OPN5: variants seen among roughly 807,000 people sequenced by gnomAD.
OPN5 encodes the protein opsin-5.
Under a neutral mutation model 41.7 loss-of-function variants are expected in OPN5, and 18 were observed. The observed-to-expected ratio is 0.43, with a 90% CI of 0.30 to 0.64. The LOEUF (loss-of-function observed/expected upper bound fraction) is 0.64. Among genes scored for constraint, OPN5 ranks in the 30% least tolerant of loss-of-function variants. The pLI is 0.13. For synonymous variants in OPN5, 178 were observed against 164.3 expected (o/e 1.08, Z -0.64); for missense variants, 318 against 434.5 (o/e 0.73, Z 2.38).
intron 6 of OPN5, among the ~76,000 whole-genome samples, chr6:47,815,281 CTA>C (rs1042496294): frequency 6.6e-6 from 1 of 152,100 alleles, no homozygotes; most frequent in Non-Finnish European, 1.5e-5. Context: ...CTACAAAAAT[CTA>C]TCTCATTTAA....
chr6:47,787,240 A>T, intron 2 of OPN5: 1 of 795,610 alleles, frequency 1.3e-6, no homozygotes, highest in Non-Finnish European at 1.5e-6. Context: ...AGTCGTTGAG[A>T]GTGTTACCTG....
chr6:47,783,531 CAT>C (rs1773129073), intron 1 of OPN5, among the ~76,000 whole-genome samples: 1 of 152,172 alleles, frequency 6.6e-6, no homozygotes, highest in African/African-American at 2.4e-5. Context: ...AAAAGGAACT[CAT>C]GTGATTCAAC....
chr6:47,808,557 G>A (rs945249890), intron 5 of OPN5, among the ~76,000 whole-genome samples, 162 bp downstream of exon 5: 2 of 152,156 alleles, frequency 1.3e-5, no homozygotes, highest in African/African-American at 4.8e-5. Context: ...CTGAAATCAA[G>A]TAATCAGCTA....
chr6:47,811,304 C>A (rs911999683), intron 5 of OPN5, among the ~76,000 whole-genome samples: 16 of 152,120 alleles, frequency 1.1e-4, no homozygotes, highest in African/African-American at 3.1e-4. Flanking sequence ...AATCAAACCT[C>A]CCCTGACCAC....
chr6:47,824,848 T>C (rs1403995511), downstream of OPN5: 1 of 152,128 alleles, frequency 6.6e-6, no homozygotes, highest in East Asian at 1.9e-4. Context: ...TCAAATGCGA[T>C]TGAAATTATC....
chr6:47,792,772 A>G (rs986958352), intron 3 of OPN5, among the ~76,000 whole-genome samples: 12 of 152,172 alleles, frequency 7.9e-5, no homozygotes, highest in Non-Finnish European at 1.6e-4. Context: ...CAATCTGTCA[A>G]TTAGAGTGGT....
intron 6 of OPN5, among the ~76,000 whole-genome samples, chr6:47,823,103 G>A (rs562346129): frequency 3.9e-5 from 6 of 152,282 alleles, no homozygotes; most frequent in African/African-American, 1.2e-4. Context: ...TTCTGACTCT[G>A]GTTAGTTATG....
At chr6:47,825,699 A>G (rs1762771653), downstream of OPN5, 1 of 152,216 alleles carries the variant, frequency 6.6e-6, no homozygotes. Context: ...TGGCAGGAAT[A>G]TGACAGAAAA....
intron 6 of OPN5, among the ~76,000 whole-genome samples, chr6:47,818,485 C>T (rs1450623227): frequency 6.6e-6 from 1 of 152,188 alleles, no homozygotes. Context: ...ATTGTACAAA[C>T]ACATCCAAGC....
intron 2 of OPN5, among the ~76,000 whole-genome samples, chr6:47,788,611 A>G (rs1394560533): frequency 2.0e-5 from 3 of 152,166 alleles, no homozygotes; most frequent in Admixed American, 6.5e-5. Flanking sequence ...AATAAACGTT[A>G]AAACTTTGCC....
chr6:47,796,034 T>C (rs573356048), intron 4 of OPN5, among the ~76,000 whole-genome samples: 4 of 152,346 alleles, frequency 2.6e-5, no homozygotes, highest in Non-Finnish European at 5.9e-5. Context: ...CCATGTGTGC[T>C]TTCCCATGGG....
chr6:47,800,681 G>T (rs9463358), intron 4 of OPN5, among the ~76,000 whole-genome samples: 20,642 of 152,144 alleles, frequency 0.14, 1,487 homozygotes, highest in Middle Eastern at 0.16. Flanking sequence ...GGAAAGGCCT[G>T]TTATCATTTA....
rs1773552692 is a variant in OPN5, at chr6:47,795,861, T to A, written c.756+298T>A. Among the ~76,000 whole-genome samples the A allele has an allele frequency of 2.0e-5, 3 of 152,090 alleles. No homozygotes were observed. In the South Asian group the frequency reaches 6.2e-4, roughly 32 times the overall value. On this transcript the variant is annotated intron_variant, in intron 4 of 6. Transcript: ENST00000371211. ...ATAACCCATCAATTTGGGGCTTATC[T>A]GCTCTGCTGAATAGGGTACTATTGA...
chr6:47,792,538 T>C (rs1773410726), intron 3 of OPN5, among the ~76,000 whole-genome samples: 1 of 152,320 alleles, frequency 6.6e-6, no homozygotes, highest in African/African-American at 2.4e-5. Context: ...ATTACAAGAA[T>C]TGGTGAATCA....
rs543629524 is a variant in OPN5, at chr6:47,796,256, GTGATATC to G, written c.756+696_756+702del. On this transcript the variant is annotated intron_variant, in intron 4 of 6. Coordinates refer to ENST00000371211, the Ensembl canonical transcript of OPN5. ...TTTCCTCACTTGCATAACAGGAATA[GTGATATC>G]TGTCTTATTGGGTTACGGTGGGAAT... is the stretch of plus-strand genomic sequence containing the variant. Among the ~76,000 whole-genome samples, 83 of 152,282 alleles carry G rather than the reference GTGATATC, an allele frequency of 5.5e-4. 1 individual carries two copies. The South Asian group carries it at 0.016, about 30-fold the overall frequency.
intron 5 of OPN5, among the ~76,000 whole-genome samples, chr6:47,810,959 G>A (rs955246667): frequency 6.6e-6 from 1 of 152,142 alleles, no homozygotes; most frequent in Non-Finnish European, 1.5e-5. Flanking sequence ...TTGAGCTTCC[G>A]TTGTTTAATT....
chr6:47,788,057 G>C (rs1371162974), intron 2 of OPN5, among the ~76,000 whole-genome samples: 3 of 152,196 alleles, frequency 2.0e-5, no homozygotes, highest in African/African-American at 7.2e-5. Flanking sequence ...TGGTTATCTG[G>C]GAAGGCTTTA....
At chr6:47,813,183 A>G (rs764659981) in intron 6 of OPN5, among the ~76,000 whole-genome samples, 6 of 152,198 alleles carry the variant, frequency 3.9e-5, no homozygotes, top group Non-Finnish European at 5.9e-5. Flanking sequence ...CAGAATTGTC[A>G]TTAGAATAGA....
intron 5 of OPN5, among the ~76,000 whole-genome samples, chr6:47,811,100 C>T (rs1308332521): frequency 3.3e-5 from 5 of 152,222 alleles, no homozygotes; most frequent in African/African-American, 1.2e-4. Flanking sequence ...AGTGAGGCCA[C>T]CTATGGGCAG....
Sources: gnomAD v4.1 joint callset for allele counts (sites outside exome capture counted in the v4.1 genomes callset) on GRCh38, gnomAD v4.1.1 for gene constraint, MANE v1.5 for transcripts, NCBI Gene and HGNC (gene_info 2026-07-23, HGNC 2026-07-21) for gene names.